SESTD1: variants seen among roughly 807,000 people sequenced by gnomAD.
SESTD1 encodes SEC14 and spectrin domain containing 1.
In SESTD1, 43 loss-of-function variants were observed where a neutral mutation model predicts 101.7. The ratio of observed to expected loss-of-function variants is 0.42; its 90% CI spans 0.33 to 0.55. SESTD1 has a LOEUF of 0.55. SESTD1 is among the 20% of genes least tolerant of loss of function. The pLI, the probability that SESTD1 is intolerant of heterozygous loss-of-function variation, is 0.07. For synonymous variants in SESTD1, 283 were observed against 286.8 expected (o/e 0.99, Z 0.13); for missense variants, 647 against 815.1 (o/e 0.79, Z 2.51).
intron 3 of SESTD1, among the ~76,000 whole-genome samples, 172 bp downstream of exon 3, chr2:179,182,908 A>G (rs563118552): frequency 6.6e-6 from 1 of 151,910 alleles, no homozygotes; most frequent in Admixed American, 6.5e-5. Flanking sequence ...AGCATAAAAT[A>G]AGCATTTTAT....
intron 5 of SESTD1, among the ~76,000 whole-genome samples, chr2:179,153,441 A>T (rs2045567210): frequency 6.6e-6 from 1 of 152,180 alleles, no homozygotes; most frequent in African/African-American, 2.4e-5. Context: ...TTAAATTGGA[A>T]GTATCAGTTT....
chr2:179,216,299 C>T (rs1276419564), intron 1 of SESTD1, among the ~76,000 whole-genome samples: 1 of 135,500 alleles, frequency 7.4e-6, no homozygotes, highest in Admixed American at 7.1e-5. Context: ...TCTCAGGATA[C>T]AAAATCAATG....
chr2:179,147,649 C>G (rs150818060), intron 7 of SESTD1, among the ~76,000 whole-genome samples: 1 of 152,076 alleles, frequency 6.6e-6, no homozygotes, highest in Non-Finnish European at 1.5e-5. Context: ...CATGAGCCAC[C>G]GCGCCCAGCC....
At chr2:179,139,385 G>A (rs538904371) in intron 9 of SESTD1, among the ~76,000 whole-genome samples, 4 of 152,148 alleles carry the variant, frequency 2.6e-5, no homozygotes, top group African/African-American at 7.2e-5. Flanking sequence ...ATCTAAAACC[G>A]CCCCTATAAA....
chr2:179,218,356 A>G (rs912830534), intron 1 of SESTD1, among the ~76,000 whole-genome samples: 13 of 152,138 alleles, frequency 8.5e-5, no homozygotes, highest in Admixed American at 4.6e-4. Context: ...GGAATTCACA[A>G]CATTCGTAAC....
At chr2:179,202,333 C>G (rs1276103421) in intron 1 of SESTD1, among the ~76,000 whole-genome samples, 4 of 134,372 alleles carry the variant, frequency 3.0e-5, no homozygotes, top group Admixed American at 2.9e-4. Context: ...CACCTCCTGT[C>G]ACATTTTCCT....
At chr2:179,197,394 T>C (rs936265805) in intron 1 of SESTD1, among the ~76,000 whole-genome samples, 6 of 152,160 alleles carry the variant, frequency 3.9e-5, no homozygotes, top group Admixed American at 1.3e-4. Context: ...TGCAGGATAT[T>C]ATCCAGGAGA....
rs150000595 is a variant in SESTD1 at position 179,148,075 on chromosome 2, G to T, written c.581+1222C>A. On this transcript the variant is annotated intron_variant, in intron 7 of 17. Transcript: ENST00000428443. ...TCCTAACTGCTTGTGACTTTAATCA[G>T]ATTTACATTCAAACCGTTTGTTTTC... is the stretch of plus-strand genomic sequence containing the variant. 1.5e-3 allele frequency among the ~76,000 whole-genome samples: 231 copies of T among 152,224 alleles called. 8 individuals carry two copies. In the East Asian group the frequency reaches 0.039, roughly 25 times the overall value.
At position 179,102,031 on chromosome 2, in the gene SESTD1, G is replaced by A. The variant is rs1462078330; in HGVS notation, c.*7868C>T. The A allele has an allele frequency of 6.6e-6, 1 of 152,082 alleles. No homozygotes were observed. The highest frequency in any genetic ancestry group is 2.4e-5 in the African/African-American group (1 of 41,422). 9.4% of individuals were successfully genotyped at this position (152,082 alleles called of 1,614,324 possible). On this transcript the variant is annotated 3_prime_UTR_variant, in exon 18 of 18. Coordinates refer to ENST00000428443, the MANE Select transcript of SESTD1 (RefSeq NM_178123.5). ...ATATGATTGTGTTATTTTAAATACA[G>A]CTTTGTTGTAATATGCCTCCTCCAT...
Position 179,108,178 on chromosome 2 carries a change from A to G in SESTD1, c.*1721T>C, listed in dbSNP as rs565872820. 1 of 152,326 alleles carries G rather than the reference A, an allele frequency of 6.6e-6. No individual in the cohort carries two copies. The highest frequency in any genetic ancestry group is 1.9e-4 in the East Asian group (1 of 5,190). 9.4% of individuals were successfully genotyped at this position (152,326 alleles called of 1,614,324 possible). The stretch of plus-strand genomic sequence containing the variant: ...GTAATCCAGAACATTGGTATAAAAT[A>G]AAAACTCTAAGGATGAGATACCGAG... On this transcript the variant is annotated 3_prime_UTR_variant, in exon 18 of 18. Transcript: ENST00000428443.
chr2:179,234,659 T>C (rs2047040042), intron 1 of SESTD1, among the ~76,000 whole-genome samples: 1 of 151,988 alleles, frequency 6.6e-6, no homozygotes, highest in Non-Finnish European at 1.5e-5. Flanking sequence ...AACAAAACAA[T>C]AGTATGGGTG....
chr2:179,259,091 T>C (rs187523708), intron 1 of SESTD1, among the ~76,000 whole-genome samples: 303 of 152,310 alleles, frequency 2.0e-3, no homozygotes, highest in Non-Finnish European at 3.1e-3. Flanking sequence ...GTCCACCAAG[T>C]AGACCTTGGA....
At position 179,234,569 on chromosome 2, in the gene SESTD1, G is replaced by C. The variant is rs2047038101; in HGVS notation, c.-26+29930C>G. Among the ~76,000 whole-genome samples, 16 of 152,228 alleles carry C rather than the reference G, an allele frequency of 1.1e-4. 4 individuals are homozygous for C. In the South Asian group the frequency reaches 3.3e-3, roughly 32 times the overall value. ...GAGGCGGGTAGATCACTTGGGGTCA[G>C]GAGTTTGAGACCAGCCTGGCCAACA... On this transcript the variant is annotated intron_variant, in intron 1 of 17. Coordinates refer to ENST00000428443, the MANE Select transcript of SESTD1 (RefSeq NM_178123.5).
In SESTD1 at chr2:179,107,620, TGTAA is replaced by T. The variant is rs554049531; in HGVS notation, c.*2275_*2278del. The T allele has an allele frequency of 3.0e-4, 46 of 152,302 alleles. No homozygotes were observed. Among genetic ancestry groups the T allele is most frequent in the African/African-American group, 1.1e-3 (45 of 41,578 alleles). 9.4% of individuals were successfully genotyped at this position (152,302 alleles called of 1,614,324 possible). A position where few individuals can be genotyped will look rare whatever the true frequency, so the allele number is the denominator to read the frequency against. On this transcript the variant is annotated 3_prime_UTR_variant, in exon 18 of 18. Coordinates refer to ENST00000428443, the MANE Select transcript of SESTD1 (RefSeq NM_178123.5). The stretch of plus-strand genomic sequence containing the variant: ...CTAAGAATCTAAGAATAGATTCACT[TGTAA>T]GTCAGTTCTAACTTTAAAAAAGTAT...
intron 1 of SESTD1, among the ~76,000 whole-genome samples, chr2:179,200,747 C>T (rs2046496619): frequency 7.4e-6 from 1 of 135,928 alleles, no homozygotes; most frequent in Non-Finnish European, 1.6e-5. Flanking sequence ...GGATCCCTTC[C>T]TTACACCTTA....
At chr2:179,223,597 C>A (rs1009618929) in intron 1 of SESTD1, among the ~76,000 whole-genome samples, 2 of 151,492 alleles carry the variant, frequency 1.3e-5, no homozygotes, top group Admixed American at 6.6e-5. Flanking sequence ...GTAAAATGAA[C>A]TGCATATGGT....
At chr2:179,165,701 A>G (rs1435657231) in intron 5 of SESTD1, among the ~76,000 whole-genome samples, 1 of 152,176 alleles carries the variant, frequency 6.6e-6, no homozygotes, top group Non-Finnish European at 1.5e-5. Flanking sequence ...TTTTCCAATC[A>G]ACTACCAGGG....
intron 1 of SESTD1, among the ~76,000 whole-genome samples, chr2:179,196,985 A>G (rs1453451738): frequency 6.6e-6 from 1 of 152,238 alleles, no homozygotes; most frequent in Non-Finnish European, 1.5e-5. Context: ...TGAGAGAAGA[A>G]GGCTTCAGAC....
intron 1 of SESTD1, among the ~76,000 whole-genome samples, chr2:179,238,992 A>G (rs2047110015): frequency 6.6e-6 from 1 of 152,202 alleles, no homozygotes; most frequent in Admixed American, 6.5e-5. Context: ...GTTTTATCAT[A>G]AGAAATTCAA....
Sources: gnomAD v4.1 joint callset for allele counts (sites outside exome capture counted in the v4.1 genomes callset) on GRCh38, gnomAD v4.1.1 for gene constraint, MANE v1.5 for transcripts, NCBI Gene and HGNC (gene_info 2026-07-23, HGNC 2026-07-21) for gene names.